BIN1: variants seen among roughly 807,000 people sequenced by gnomAD.
The protein encoded by BIN1 is bridging integrator 1.
In BIN1, 53 loss-of-function variants were observed where a neutral mutation model predicts 82.0. The observed-to-expected ratio is 0.65, with a 90% confidence interval of 0.52 to 0.81. BIN1 has a LOEUF of 0.81. Among genes scored for constraint, BIN1 ranks in the 40% least tolerant of loss-of-function variants. BIN1 has a pLI of 0.00. For missense variants in BIN1, 642 were observed against 784.4 expected (o/e 0.82, Z 2.17); for synonymous variants, 302 against 328.0 (o/e 0.92, Z 0.86).
intron 1 of BIN1, among the ~76,000 whole-genome samples, chr2:127,092,361 C>T (rs1398634964): frequency 6.6e-6 from 1 of 152,214 alleles, no homozygotes; most frequent in African/African-American, 2.4e-5. Flanking sequence ...CATAGCCCAG[C>T]CCCACCCTAA....
Position 127,048,447 on chromosome 2 carries a change from A to C in BIN1, c.*79T>G, listed in dbSNP as rs1682445876. The C allele has an allele frequency of 7.1e-7, 1 of 1,416,712 alleles. No homozygotes were observed. The highest frequency in any genetic ancestry group is 9.9e-7 in the Non-Finnish European group (1 of 1,006,030). The allele number at this position is 1,416,712 out of a possible 1,614,324, so 87.8% of individuals were successfully genotyped here. On this transcript the variant is annotated 3_prime_UTR_variant, in exon 19 of 19. Transcript: ENST00000316724. ...TGCTCTTCAAAAGATGAAAAACGAA[A>C]ACAAAACAAAAAAAAGAACCACACA...
In BIN1 at chr2:127,067,902, C is replaced by T. The variant is rs531742553; in HGVS notation, c.612+261G>A. 9.2e-5 allele frequency among the ~76,000 whole-genome samples: 14 copies of T among 152,310 alleles called. No homozygotes were observed. Among genetic ancestry groups the T allele is most frequent in the African/African-American group, 3.4e-4 (14 of 41,572 alleles). On this transcript the variant is annotated intron_variant, in intron 7 of 18. Coordinates refer to ENST00000316724, the MANE Select transcript of BIN1 (RefSeq NM_139343.3). The surrounding 1 kb of genome is among the most constrained non-coding windows in gnomAD (Gnocchi z 4.7). ...TGGACCACTAGGATTTCAGAGGAGT[C>T]TCCAGGAATGACCACAGATGCAGCC...
intron 1 of BIN1, among the ~76,000 whole-genome samples, chr2:127,077,163 A>G (rs1368126367): frequency 2.0e-5 from 3 of 152,352 alleles, no homozygotes; most frequent in Admixed American, 1.3e-4. Flanking sequence ...GCCACAGGCA[A>G]CAGCAGAGCA....
chr2:127,088,463 C>A (rs569368182), intron 1 of BIN1, among the ~76,000 whole-genome samples: 8 of 152,148 alleles, frequency 5.3e-5, no homozygotes, highest in Middle Eastern at 3.4e-3. Flanking sequence ...GGGACGGGTG[C>A]GGTGGCTCAC....
At chr2:127,072,791 A>G (rs928557607) in intron 2 of BIN1, among the ~76,000 whole-genome samples, 1 of 152,154 alleles carries the variant, frequency 6.6e-6, no homozygotes, top group Admixed American at 6.5e-5. Flanking sequence ...GAATTCCATC[A>G]GGGGGTCGGA....
intron 8 of BIN1, 69 bp downstream of exon 8, chr2:127,063,864 C>T (rs1411737701): frequency 1.3e-6 from 2 of 1,594,878 alleles, no homozygotes; most frequent in East Asian, 4.5e-5. Flanking sequence ...CCACAGCACG[C>T]AGACTGGGCA....
At chr2:127,055,214 G>A (rs1444914455) in intron 12 of BIN1, 1 of 152,408 alleles carries the variant, frequency 6.6e-6, no homozygotes, top group Admixed American at 6.5e-5. Flanking sequence ...GTGAGACCTG[G>A]GGCTGTGGGC....
intron 1 of BIN1, among the ~76,000 whole-genome samples, chr2:127,081,570 C>G (rs949046883): frequency 7.9e-5 from 12 of 152,162 alleles, no homozygotes; most frequent in Non-Finnish European, 1.5e-5. Context: ...ATCAGAAGGA[C>G]CAGCCCAGGG....
intron 1 of BIN1, among the ~76,000 whole-genome samples, chr2:127,078,680 C>G (rs1412654753): frequency 6.6e-6 from 1 of 152,208 alleles, no homozygotes; most frequent in Non-Finnish European, 1.5e-5. Context: ...AAAACCCCCA[C>G]ATGAGCAAGA....
At position 127,059,011 on chromosome 2, in the gene BIN1, C is replaced by T; in HGVS notation, c.1002G>A (p.Gln334=). 1.3e-6 allele frequency: 2 copies of T among 1,557,580 alleles called. No individual in the cohort carries two copies. The highest frequency in any genetic ancestry group is 2.4e-5 in the East Asian group (1 of 41,846). The change falls in exon 11 of 19, where the codon CAG becomes CAA. Residue 334 remains glutamine (Q), a splice_region_variant and synonymous_variant. Transcript: ENST00000316724. The surrounding 1 kb of genome is among the most constrained non-coding windows in gnomAD (Gnocchi z 6.7). ...CCTGCTACCAAGACATCACTCCTAC[C>T]TGAGATGGGGACTTGGGGAGGGTGG... is the stretch of plus-strand genomic sequence containing the variant. The part of the protein sequence containing the change: ...PGATLPKSPS[Q]LRKGPPVPPP...
At chr2:127,051,087 G>A (rs1329457561) in intron 16 of BIN1, 67 bp downstream of exon 16, 13 of 1,590,734 alleles carry the variant, frequency 8.2e-6, no homozygotes, top group East Asian at 6.7e-5. Context: ...AGGGGCCACA[G>A]GGGAGCCCCG....
intron 1 of BIN1, among the ~76,000 whole-genome samples, chr2:127,078,287 C>G (rs979835576): frequency 6.6e-6 from 1 of 152,220 alleles, no homozygotes; most frequent in African/African-American, 2.4e-5. Context: ...TTGGCCGGTA[C>G]AGCAGAGAGG....
At position 127,090,971 on chromosome 2, in the gene BIN1, C is replaced by A. The variant is rs866616447; in HGVS notation, c.85-14265G>T. 6.6e-6 allele frequency among the ~76,000 whole-genome samples: 1 copy of A among 152,210 alleles called. No individual in the cohort carries two copies. Among genetic ancestry groups the A allele is most frequent in the African/African-American group, 2.4e-5 (1 of 41,444 alleles). On this transcript the variant is annotated intron_variant, in intron 1 of 18. Coordinates refer to ENST00000316724, the MANE Select transcript of BIN1 (RefSeq NM_139343.3). The surrounding 1 kb of genome is among the most constrained non-coding windows in gnomAD (Gnocchi z 6.4). ...TTCTGGATGCCTTCAGGTTCTTACA[C>A]GTCTGTTCCTGTCTGAGAAGCTCAA...
intron 7 of BIN1, 150 bp from the exon 8 acceptor site, chr2:127,064,168 C>T: frequency 1.1e-6 from 1 of 873,770 alleles, no homozygotes; most frequent in Non-Finnish European, 1.8e-6. Flanking sequence ...GATGTGGACA[C>T]CCATGCTGGC....
chr2:127,088,978 G>A (rs950634707), intron 1 of BIN1, among the ~76,000 whole-genome samples: 3 of 152,142 alleles, frequency 2.0e-5, no homozygotes, highest in African/African-American at 7.2e-5. Flanking sequence ...GCTGAGAGTG[G>A]CAGGGGGCAG....
At chr2:127,055,256 C>T (rs1166863314) in intron 12 of BIN1, 1 of 152,314 alleles carries the variant, frequency 6.6e-6, no homozygotes, top group Non-Finnish European at 1.5e-5. Flanking sequence ...CATAGCTGAG[C>T]CGAGGGCCCA....
In BIN1 at chr2:127,050,541, G is replaced by T. The variant is rs375440790; in HGVS notation, c.1573-19C>A. 4 of 1,613,574 alleles carry T rather than the reference G, an allele frequency of 2.5e-6. No individual in the cohort carries two copies. Among genetic ancestry groups the T allele is most frequent in the Non-Finnish European group, 3.4e-6 (4 of 1,179,516 alleles). ...CCTGTACCTGCAGAGGATGCGGATC[G>T]CAAGTCAGACCTTCCGTCCCACCTC... On this transcript the variant is annotated intron_variant, in intron 17 of 18. Coordinates refer to ENST00000316724, the MANE Select transcript of BIN1 (RefSeq NM_139343.3).
At chr2:127,079,580 T>G (rs760384163) in intron 1 of BIN1, among the ~76,000 whole-genome samples, 1 of 152,214 alleles carries the variant, frequency 6.6e-6, no homozygotes, top group Non-Finnish European at 1.5e-5. Context: ...GACATCACTG[T>G]GAACTGTCCC....
intron 12 of BIN1, 194 bp from the exon 13 acceptor site, chr2:127,054,206 C>T (rs1211590264): frequency 6.3e-6 from 4 of 631,556 alleles, no homozygotes; most frequent in South Asian, 1.8e-5. Context: ...ACCTCACACA[C>T]GGGAGCACTG....
Sources: gnomAD v4.1 joint callset for allele counts (sites outside exome capture counted in the v4.1 genomes callset) on GRCh38, gnomAD v4.1.1 for gene constraint, Gnocchi (gnomAD v3.1) non-coding constraint, MANE v1.5 for transcripts, NCBI Gene and HGNC (gene_info 2026-07-23, HGNC 2026-07-21) for gene names.